The following ERBB4 variants were observed in gnomAD, a reference collection of about 807,000 sequenced individuals.
The protein encoded by ERBB4 is erb-b2 receptor tyrosine kinase 4.
A neutral mutation model predicts 158.0 loss-of-function variants in ERBB4; 42 were observed. The ratio of observed to expected loss-of-function variants is 0.27; its 90% CI spans 0.21 to 0.34. The LOEUF (loss-of-function observed/expected upper bound fraction) is 0.34, where lower values mean the gene tolerates loss of function less well. ERBB4 is among the 10% of genes least tolerant of loss of function. The pLI is 1.00. For missense variants in ERBB4, 1,333 were observed against 1,624.1 expected (o/e 0.82, Z 3.08); for synonymous variants, 583 against 558.7 (o/e 1.04, Z -0.61).
intron 1 of ERBB4, among the ~76,000 whole-genome samples, chr2:212,172,503 T>C (rs2081547704): frequency 6.6e-6 from 1 of 152,068 alleles, no homozygotes. Context: ...AGCAAAGACA[T>C]GGAATCAACC....
chr2:211,824,386 A>G (rs2077052559), intron 3 of ERBB4, among the ~76,000 whole-genome samples: 1 of 152,012 alleles, frequency 6.6e-6, no homozygotes, highest in Non-Finnish European at 1.5e-5. Flanking sequence ...CTCTGGCATT[A>G]TGGAAGGCAA....
At chr2:211,676,902 T>C (rs999931211) in intron 13 of ERBB4, among the ~76,000 whole-genome samples, 5 of 152,306 alleles carry the variant, frequency 3.3e-5, no homozygotes, top group Admixed American at 3.3e-4. Context: ...TTCATAATAT[T>C]GGGAACAAGC....
At chr2:211,579,554 C>T (rs79288320) in intron 19 of ERBB4, among the ~76,000 whole-genome samples, 10 of 152,006 alleles carry the variant, frequency 6.6e-5, no homozygotes, top group Admixed American at 5.2e-4. Context: ...AACCCAAATG[C>T]CTATCAATGA....
At chr2:211,596,954 T>C (rs1203000279) in intron 19 of ERBB4, among the ~76,000 whole-genome samples, 1 of 152,078 alleles carries the variant, frequency 6.6e-6, no homozygotes, top group Non-Finnish European at 1.5e-5. Flanking sequence ...TTAGTAGAAA[T>C]GGGTTTTTGC....
intron 2 of ERBB4, among the ~76,000 whole-genome samples, chr2:212,041,630 G>A (rs11680941): frequency 0.081 from 12,164 of 149,512 alleles, 689 homozygotes; most frequent in Non-Finnish European, 0.12. Context: ...TCAAATTACC[G>A]CGTTCTTTCA....
At chr2:211,649,372 A>G (rs903871392) in intron 16 of ERBB4, among the ~76,000 whole-genome samples, 3 of 151,920 alleles carry the variant, frequency 2.0e-5, no homozygotes, top group African/African-American at 7.2e-5. Flanking sequence ...GGTGGCAAAA[A>G]CAAGCTCCTA....
rs114949354 is a variant in ERBB4, at chr2:212,322,252, A to C, written c.83-197349T>G. On this transcript the variant is annotated intron_variant, in intron 1 of 27. Coordinates refer to ENST00000342788, the MANE Select transcript of ERBB4 (RefSeq NM_005235.3). Reference sequence around the variant, plus strand: ...GGTTCTAGACATGTGACTTCGGGCAAATAACTTCACCAACTTGATCTCTCT... The same window carrying C: ...GGTTCTAGACATGTGACTTCGGGCACATAACTTCACCAACTTGATCTCTCT... Among the ~76,000 whole-genome samples, 807 of 150,536 alleles carry C rather than the reference A, an allele frequency of 5.4e-3. 21 individuals carry two copies. Among genetic ancestry groups the C allele is most frequent in the African/African-American group, 0.018 (754 of 41,374 alleles).
At chr2:212,332,419 C>T (rs1346304230) in intron 1 of ERBB4, among the ~76,000 whole-genome samples, 3 of 152,006 alleles carry the variant, frequency 2.0e-5, no homozygotes, top group Non-Finnish European at 2.9e-5. Context: ...TGAAAACAGA[C>T]CAATACAGTA....
At chr2:212,281,631 A>C (rs919528384) in intron 1 of ERBB4, among the ~76,000 whole-genome samples, 1 of 151,876 alleles carries the variant, frequency 6.6e-6, no homozygotes, top group Non-Finnish European at 1.5e-5. Context: ...CAAGCATTTA[A>C]ATAGCTGAAG....
At chr2:211,495,744 CA>C (rs2065453088) in intron 20 of ERBB4, among the ~76,000 whole-genome samples, 1 of 152,018 alleles carries the variant, frequency 6.6e-6, no homozygotes, top group African/African-American at 2.4e-5. Context: ...ATGGATTAAG[CA>C]GTTCTAAAAA....
intron 7 of ERBB4, among the ~76,000 whole-genome samples, chr2:211,716,556 G>A (rs2073916389): frequency 2.1e-5 from 3 of 144,062 alleles, no homozygotes; most frequent in South Asian, 2.2e-4. Context: ...GGCGCCTGTA[G>A]TCCCAGCTAC....
intron 1 of ERBB4, among the ~76,000 whole-genome samples, chr2:212,344,899 A>C (rs985630796): frequency 6.6e-6 from 1 of 152,148 alleles, no homozygotes; most frequent in African/African-American, 2.4e-5. Flanking sequence ...GTTATCTTCA[A>C]AATAAGATAA....
intron 1 of ERBB4, among the ~76,000 whole-genome samples, chr2:212,302,120 T>C (rs962341122): frequency 9.2e-5 from 14 of 151,424 alleles, no homozygotes; most frequent in African/African-American, 3.1e-4. Flanking sequence ...TTACTAGACA[T>C]GTGATCTTGG....
rs2105901348 is a variant in ERBB4, at chr2:212,200,694, T to A, written c.83-75791A>T. Among the ~76,000 whole-genome samples the A allele has an allele frequency of 2.6e-5, 4 of 152,292 alleles. 1 individual carries two copies. In the Middle Eastern group the frequency reaches 0.01, roughly 389 times the overall value. ...AAAAGTGTAAGAGAGTTTGCTGGCA[T>A]GAGAAGCAAACAGAATTCAAAAATG... On this transcript the variant is annotated intron_variant, in intron 1 of 27. Transcript: ENST00000342788.
chr2:212,209,419 G>T (rs1300066763), intron 1 of ERBB4, among the ~76,000 whole-genome samples: 3 of 152,028 alleles, frequency 2.0e-5, no homozygotes, highest in African/African-American at 7.2e-5. Context: ...ACTTTTGTTT[G>T]TTCTACTACT....
chr2:212,137,073 A>C (rs1305471155), intron 1 of ERBB4, among the ~76,000 whole-genome samples: 2 of 152,116 alleles, frequency 1.3e-5, no homozygotes, highest in Non-Finnish European at 2.9e-5. Context: ...TAGATTCTAT[A>C]ATCTCCAGTG....
chr2:212,458,414 G>T (rs540820073), intron 1 of ERBB4, among the ~76,000 whole-genome samples: 1 of 152,226 alleles, frequency 6.6e-6, no homozygotes, highest in Non-Finnish European at 1.5e-5. Context: ...AAAGGTGCAT[G>T]CATGAGAAAG....
intron 20 of ERBB4, among the ~76,000 whole-genome samples, chr2:211,466,798 T>C (rs2064702454): frequency 6.6e-6 from 1 of 152,098 alleles, no homozygotes; most frequent in Non-Finnish European, 1.5e-5. Context: ...GGCTTCCAAA[T>C]GGTAATGCTC....
chr2:211,823,313 T>G (rs189834362), intron 3 of ERBB4, among the ~76,000 whole-genome samples: 2 of 151,858 alleles, frequency 1.3e-5, no homozygotes, highest in African/African-American at 4.8e-5. Flanking sequence ...CAATTGCTAG[T>G]GTATGTGGGT....
Sources: gnomAD v4.1 joint callset for allele counts (sites outside exome capture counted in the v4.1 genomes callset) on GRCh38, gnomAD v4.1.1 for gene constraint, MANE v1.5 for transcripts, NCBI Gene and HGNC (gene_info 2026-07-23, HGNC 2026-07-21) for gene names.